Variants in NTRK2 observed in about 807,000 individuals in gnomAD.
NTRK2 encodes neurotrophic receptor tyrosine kinase 2.
NTRK2 carries 13 observed loss-of-function variants against 94.5 expected under a neutral mutation model. That is an observed-to-expected ratio of 0.14 (90% CI 0.09 to 0.22). NTRK2 has a LOEUF of 0.22. NTRK2 is among the 10% of genes least tolerant of loss of function. The probability of loss-of-function intolerance (pLI) is 1.00; values close to 1 mark genes in which losing one functional copy is unlikely to be tolerated. For missense variants in NTRK2, 639 were observed against 1,071.2 expected (o/e 0.60, Z 5.63); for synonymous variants, 372 against 407.4 (o/e 0.91, Z 1.05).
At chr9:84,949,594 C>T (rs1015049839) in intron 16 of NTRK2, among the ~76,000 whole-genome samples, 6 of 152,242 alleles carry the variant, frequency 3.9e-5, no homozygotes, top group East Asian at 1.9e-4. Flanking sequence ...CAACCTCCCA[C>T]GTAGCTGGGA....
intron 12 of NTRK2, among the ~76,000 whole-genome samples, chr9:84,817,597 C>T (rs1184408379): frequency 2.0e-5 from 3 of 152,172 alleles, no homozygotes; most frequent in Non-Finnish European, 4.4e-5. Context: ...TTTGTTAATT[C>T]AGATTTCTTT....
intron 2 of NTRK2, among the ~76,000 whole-genome samples, chr9:84,699,692 A>T (rs569344438): frequency 6.7e-5 from 10 of 150,202 alleles, no homozygotes; most frequent in African/African-American, 2.4e-4. Context: ...GAGTGTATGC[A>T]TTTCTAAATT....
intron 14 of NTRK2, among the ~76,000 whole-genome samples, chr9:84,922,217 A>G (rs1293142915): frequency 6.6e-6 from 1 of 152,208 alleles, no homozygotes; most frequent in Non-Finnish European, 1.5e-5. Flanking sequence ...AGCCCAGCAT[A>G]TGACTGGGTC....
chr9:84,788,459 G>A (rs2068357332), intron 12 of NTRK2, among the ~76,000 whole-genome samples: 1 of 152,208 alleles, frequency 6.6e-6, no homozygotes, highest in African/African-American at 2.4e-5. Flanking sequence ...GTGACATGTT[G>A]TGTCATCAAT....
intron 4 of NTRK2, among the ~76,000 whole-genome samples, chr9:84,707,177 G>A (rs2061157264): frequency 1.3e-5 from 2 of 152,036 alleles, no homozygotes; most frequent in African/African-American, 4.8e-5. Flanking sequence ...ATTTTTTTTA[G>A]TCACAAATAT....
chr9:84,806,162 T>C lies in NTRK2; in HGVS notation c.1396+54077T>C, dbSNP rs115653475. ...AAAATGTATAGATGTGCTCCCTCTG[T>C]CCTCCTGTGGGATGAAGTCTGAGAT... is the stretch of plus-strand genomic sequence containing the variant. On this transcript the variant is annotated intron_variant, in intron 12 of 18. Transcript: ENST00000277120. Among the ~76,000 whole-genome samples, 600 of 152,296 alleles carry C rather than the reference T, an allele frequency of 3.9e-3. 5 individuals are homozygous for C. The highest frequency in any genetic ancestry group is 0.014 in the African/African-American group (564 of 41,554).
At chr9:84,849,018 G>T (rs2074616373) in intron 12 of NTRK2, among the ~76,000 whole-genome samples, 1 of 152,102 alleles carries the variant, frequency 6.6e-6, no homozygotes, top group African/African-American at 2.4e-5. Context: ...GACTACATAT[G>T]TACTTTCTTA....
At chr9:84,925,103 C>T (rs1387908208) in intron 14 of NTRK2, among the ~76,000 whole-genome samples, 2 of 152,042 alleles carry the variant, frequency 1.3e-5, no homozygotes, top group African/African-American at 4.8e-5. Context: ...CTTCTCTGTT[C>T]AGAATTTTTC....
intron 14 of NTRK2, among the ~76,000 whole-genome samples, chr9:84,929,229 G>T (rs2077931400): frequency 6.6e-6 from 1 of 152,166 alleles, no homozygotes; most frequent in South Asian, 2.1e-4. Context: ...AGCTGCTGAA[G>T]ACACATTGCG....
intron 12 of NTRK2, among the ~76,000 whole-genome samples, chr9:84,809,969 C>G (rs1158611835): frequency 6.6e-6 from 1 of 151,322 alleles, no homozygotes; most frequent in Non-Finnish European, 1.5e-5. Context: ...TTAGCCAGTT[C>G]TCTGGGCCAG....
chr9:84,923,314 C>G (rs1384883640), intron 14 of NTRK2, among the ~76,000 whole-genome samples: 1 of 152,192 alleles, frequency 6.6e-6, no homozygotes. Context: ...AGTTGCCCAG[C>G]TGCAGAACAC....
rs72739916 is a variant in NTRK2, at chr9:84,873,622, G to T, written c.1633+6191G>T. 532 of 1,053,600 alleles carry T rather than the reference G, an allele frequency of 5.0e-4. 1 individual carries two copies. The highest frequency in any genetic ancestry group is 6.0e-4 in the Non-Finnish European group (526 of 871,844). The allele number at this position is 1,053,600 out of a possible 1,614,324, so 65.3% of individuals were successfully genotyped here. On this transcript the variant is annotated intron_variant, in intron 14 of 18. Transcript: ENST00000277120. ...GCAACTTGAGTTTCTTAAAAGAAAG[G>T]AAATGAATACATGCTGCATAATTAC...
chr9:84,880,270 A>G (rs991438304), intron 14 of NTRK2, among the ~76,000 whole-genome samples: 2 of 152,156 alleles, frequency 1.3e-5, no homozygotes, highest in Non-Finnish European at 2.9e-5. Flanking sequence ...TGAGGTGCAT[A>G]TATTTGCTGA....
Position 84,861,072 on chromosome 9 carries a change from T to A in NTRK2, c.1429T>A (p.Ser477Thr). The A allele has an allele frequency of 1.2e-6, 2 of 1,613,336 alleles. No homozygotes were observed. Among genetic ancestry groups the A allele is most frequent in the South Asian group, 2.2e-5 (2 of 91,048 alleles). The change falls in exon 13 of 19, where the codon TCA becomes ACA. Residue 477 changes from serine (S) to threonine (T), a missense_variant. By Grantham distance (58) the Ser-to-Thr change is moderately conservative. Around this residue, in one of 5 missense-constraint regions of NTRK2, gnomAD observed 343 missense variants for 571.5 expected, o/e 0.60. Coordinates refer to ENST00000277120, the MANE Select transcript of NTRK2 (RefSeq NM_006180.6). ...ATGGTTTGGATTTGGGAAAGTAAAA[T>A]CAAGACAAGGTGTTGGTAAGTAGTT... ...FSWFGFGKVKSRQGVGPASVI... is the reference protein window; with the variant it reads ...FSWFGFGKVKTRQGVGPASVI...
Position 84,876,413 on chromosome 9 carries a change from A to T in NTRK2, c.1633+8982A>T, listed in dbSNP as rs2076069076. 5 of 1,054,530 alleles carry T rather than the reference A, an allele frequency of 4.7e-6. No individual in the cohort carries two copies. The South Asian group carries it at 2.3e-4, about 48-fold the overall frequency. 65.3% of individuals were successfully genotyped at this position (1,054,530 alleles called of 1,614,324 possible). ...CAGATCCATTTATGTTTTCATGCTC[A>T]ATACTTACTCCCCTTCCCTGCAACA... On this transcript the variant is annotated intron_variant, in intron 14 of 18. Coordinates refer to ENST00000277120, the MANE Select transcript of NTRK2 (RefSeq NM_006180.6).
At chr9:84,740,735 T>TC (rs2063587061) in intron 9 of NTRK2, among the ~76,000 whole-genome samples, 2 of 152,238 alleles carry the variant, frequency 1.3e-5, no homozygotes, top group Non-Finnish European at 1.5e-5. Context: ...TCATTTTTTT[T>TC]CCCTGCTAAA....
chr9:84,680,186 A>G (rs1327974011), intron 2 of NTRK2, among the ~76,000 whole-genome samples: 1 of 152,210 alleles, frequency 6.6e-6, no homozygotes, highest in Non-Finnish European at 1.5e-5. Flanking sequence ...CACTAGTGTT[A>G]TTGAGGACAT....
chr9:84,935,196 T>G (rs1447952843), intron 15 of NTRK2, among the ~76,000 whole-genome samples: 1 of 151,490 alleles, frequency 6.6e-6, no homozygotes, highest in Non-Finnish European at 1.5e-5. Context: ...AATATAAGAT[T>G]ATTGAGTTTT....
At chr9:84,729,748 A>C (rs1242797766) in intron 9 of NTRK2, among the ~76,000 whole-genome samples, 2 of 152,210 alleles carry the variant, frequency 1.3e-5, no homozygotes, top group Non-Finnish European at 2.9e-5. Flanking sequence ...TTGGGGGCAA[A>C]ACTTGATTCA....
Sources: gnomAD v4.1 joint callset for allele counts (sites outside exome capture counted in the v4.1 genomes callset) on GRCh38, gnomAD v4.1.1 for gene constraint, gnomAD v4.1.1 regional missense constraint, MANE v1.5 for transcripts, NCBI Gene and HGNC (gene_info 2026-07-23, HGNC 2026-07-21) for gene names.